Variants in DLGAP5 observed in about 807,000 individuals in gnomAD.
The protein encoded by DLGAP5 is DLG associated protein 5, also known as disks large-associated protein 5.
A neutral mutation model predicts 99.6 loss-of-function variants in DLGAP5; 90 were observed. The observed-to-expected ratio is 0.90, with a 90% confidence interval of 0.76 to 1.08. DLGAP5 has a LOEUF of 1.08. Among genes scored for constraint, DLGAP5 ranks in the 50% least tolerant of loss-of-function variants. The pLI, the probability that DLGAP5 is intolerant of heterozygous loss-of-function variation, is 0.00. For missense variants in DLGAP5, 1,036 were observed against 983.5 expected (o/e 1.05, Z -0.71); for synonymous variants, 311 against 321.3 (o/e 0.97, Z 0.34).
chr14:55,181,488 C>T (rs1056794825), intron 4 of DLGAP5, among the ~76,000 whole-genome samples, 191 bp from the exon 5 acceptor site: 44 of 152,204 alleles, frequency 2.9e-4, no homozygotes, highest in Admixed American at 1.3e-4. Flanking sequence ...AAGCTTACAT[C>T]CTTTTTCACA....
chr14:55,157,083 G>A (rs917950981), intron 14 of DLGAP5, among the ~76,000 whole-genome samples: 1 of 152,242 alleles, frequency 6.6e-6, no homozygotes, highest in Non-Finnish European at 1.5e-5. Context: ...AGTAAGAATT[G>A]AAAGTAGTTG....
chr14:55,150,594 A>G, intron 18 of DLGAP5: 2 of 342,472 alleles, frequency 5.8e-6, no homozygotes, highest in East Asian at 5.3e-5. Flanking sequence ...ATAGAAAAAC[A>G]TATCTTCAGG....
At position 55,151,895 on chromosome 14, in the gene DLGAP5, C is replaced by T. The variant is rs1398128763; in HGVS notation, c.2168G>A (p.Arg723Lys). Residue 723 changes from arginine (R) to lysine (K), a missense_variant, in exon 17 of 19, where the codon AGA (arginine) becomes AAA (lysine). Arg to Lys is a conservative substitution (Grantham distance 26). Coordinates refer to ENST00000247191, the MANE Select transcript of DLGAP5 (RefSeq NM_014750.5). The stretch of plus-strand genomic sequence containing the variant: ...ACCAGCAAGAAGAGGCAAACTCATT[C>T]TCTCACTGGATAAACAATCCACCTT... ...DLKVDCLSSERMSLPLLAGGV... is the reference protein window; with the variant it reads ...DLKVDCLSSEKMSLPLLAGGV... 7 of 1,613,802 alleles carry T rather than the reference C, an allele frequency of 4.3e-6. No individual in the cohort carries two copies. Among genetic ancestry groups the T allele is most frequent in the Non-Finnish European group, 5.9e-6 (7 of 1,179,924 alleles).
intron 16 of DLGAP5, among the ~76,000 whole-genome samples, chr14:55,152,355 TG>T (rs1423422874): frequency 6.6e-6 from 1 of 152,250 alleles, no homozygotes; most frequent in African/African-American, 2.4e-5. Context: ...GGCCAAAGTT[TG>T]CTGATTTCTG....
At chr14:55,175,118 G>A (rs1485907574) in intron 10 of DLGAP5, among the ~76,000 whole-genome samples, 1 of 152,164 alleles carries the variant, frequency 6.6e-6, no homozygotes, top group Non-Finnish European at 1.5e-5. Flanking sequence ...AAACTATGTG[G>A]TTGGGTCACA....
At chr14:55,163,153 A>G in intron 12 of DLGAP5, 78 bp from the exon 13 acceptor site, 2 of 753,486 alleles carry the variant, frequency 2.7e-6, no homozygotes, top group African/African-American at 3.6e-5. Context: ...AGACTAAAAA[A>G]AAATTAAAAA....
At chr14:55,174,940 C>T (rs578160896) in intron 10 of DLGAP5, among the ~76,000 whole-genome samples, 8 of 152,166 alleles carry the variant, frequency 5.3e-5, no homozygotes, top group South Asian at 2.1e-4. Context: ...CCACCCACCT[C>T]GGCCTCCCAA....
intron 13 of DLGAP5, among the ~76,000 whole-genome samples, chr14:55,161,849 G>A (rs1438567092): frequency 1.6e-5 from 2 of 123,166 alleles, no homozygotes; most frequent in African/African-American, 3.2e-5. Flanking sequence ...ACTCCAGCCT[G>A]GGCAAAAAGA....
intron 14 of DLGAP5, among the ~76,000 whole-genome samples, chr14:55,157,586 A>G (rs1369606656): frequency 6.6e-6 from 1 of 152,230 alleles, no homozygotes; most frequent in African/African-American, 2.4e-5. Context: ...GTCTGTGGAA[A>G]AAAAAGCTAT....
chr14:55,184,866 TCAGC>T (rs1198109825), intron 2 of DLGAP5, among the ~76,000 whole-genome samples: 3 of 152,236 alleles, frequency 2.0e-5, no homozygotes, highest in Non-Finnish European at 4.4e-5. Context: ...ATCACCCAGC[TCAGC>T]CATACCCAAG....
At chr14:55,153,033 C>T (rs937606482) in intron 15 of DLGAP5, among the ~76,000 whole-genome samples, 11 of 152,096 alleles carry the variant, frequency 7.2e-5, no homozygotes, top group South Asian at 2.1e-4. Context: ...TACATTTACT[C>T]GTTACTTGTT....
rs751317769 is a variant in DLGAP5 at position 55,148,389 on chromosome 14, G to A, written c.2503C>T (p.Leu835=). The A allele has an allele frequency of 6.2e-7, 1 of 1,614,068 alleles. No homozygotes were observed. Among genetic ancestry groups the A allele is most frequent in the Non-Finnish European group, 8.5e-7 (1 of 1,179,994 alleles). Residue 835 remains leucine, a synonymous_variant, in exon 19 of 19, where the codon CTG becomes TTG. Transcript: ENST00000247191. ...HARHISFGGN[L]ITFSPLQPGE... Reference sequence around the variant, plus strand: ...GGTTGTAGAGGTGAAAAAGTAATCAGGTTACCACCAAAAGAAATGTGTCTG... The same window carrying A: ...GGTTGTAGAGGTGAAAAAGTAATCAAGTTACCACCAAAAGAAATGTGTCTG...
At chr14:55,151,140 T>C (rs1882002959) in intron 17 of DLGAP5, among the ~76,000 whole-genome samples, 1 of 152,216 alleles carries the variant, frequency 6.6e-6, no homozygotes, top group East Asian at 1.9e-4. Context: ...TTAAAACCTT[T>C]TGTTTTACCA....
intron 12 of DLGAP5, among the ~76,000 whole-genome samples, chr14:55,169,071 G>T (rs936640586): frequency 1.3e-5 from 2 of 151,194 alleles, no homozygotes; most frequent in Admixed American, 6.6e-5. Flanking sequence ...AGCTACTCGG[G>T]AGGCTGAGGC....
chr14:55,176,984 A>C, intron 8 of DLGAP5, 78 bp downstream of exon 8: 1 of 881,006 alleles, frequency 1.1e-6, no homozygotes, highest in Non-Finnish European at 1.4e-6. Flanking sequence ...CTGAAAAAAA[A>C]AAAAAAAAAA....
At chr14:55,162,482 G>A (rs2140311475) in intron 13 of DLGAP5, among the ~76,000 whole-genome samples, 1 of 152,216 alleles carries the variant, frequency 6.6e-6, no homozygotes, top group South Asian at 2.1e-4. Context: ...AGCCGGGTGT[G>A]GTGGCTGGCG....
At chr14:55,158,025 A>C (rs1222463976) in intron 14 of DLGAP5, among the ~76,000 whole-genome samples, 1 of 152,242 alleles carries the variant, frequency 6.6e-6, no homozygotes, top group East Asian at 1.9e-4. Context: ...GGTCTCTCAA[A>C]GTACTGGGAT....
At chr14:55,186,960 G>C (rs1006938690) in intron 2 of DLGAP5, among the ~76,000 whole-genome samples, 5 of 152,140 alleles carry the variant, frequency 3.3e-5, no homozygotes, top group Non-Finnish European at 7.4e-5. Flanking sequence ...GCCCAGGCTG[G>C]AGTGCAGTGG....
At chr14:55,177,786 C>G (rs1049664222) in intron 7 of DLGAP5, among the ~76,000 whole-genome samples, 1 of 151,728 alleles carries the variant, frequency 6.6e-6, no homozygotes, top group African/African-American at 2.4e-5. Flanking sequence ...ATCCGCCCGC[C>G]TAGGCCTCCC....
Sources: gnomAD v4.1 joint callset for allele counts (sites outside exome capture counted in the v4.1 genomes callset) on GRCh38, gnomAD v4.1.1 for gene constraint, MANE v1.5 for transcripts, NCBI Gene and HGNC (gene_info 2026-07-23, HGNC 2026-07-21) for gene names.